The following PKP2 variants were observed in gnomAD, a reference collection of about 807,000 sequenced individuals.
PKP2 encodes the protein plakophilin-2.
In PKP2, 73 loss-of-function variants were observed where a neutral mutation model predicts 83.4. That is an observed-to-expected ratio of 0.88 (90% CI 0.72 to 1.06). PKP2 has a LOEUF of 1.06. Ranked by LOEUF, PKP2 falls within the 50% of genes least tolerant of loss-of-function variation. PKP2 has a pLI of 0.00. For synonymous variants in PKP2, 409 were observed against 430.4 expected, an observed-to-expected ratio of 0.95 and a Z score of 0.62; for missense variants, 966 against 1,065.4, an observed-to-expected ratio of 0.91 and a Z score of 1.30.
At chr12:32,808,667 C>G (rs531236540) in intron 9 of PKP2, among the ~76,000 whole-genome samples, 4 of 152,276 alleles carry the variant, frequency 2.6e-5, no homozygotes, top group African/African-American at 9.6e-5. Context: ...GCTTATCTAC[C>G]TTCGACCTTT....
chr12:32,803,460 T>C (rs977673458), intron 9 of PKP2, among the ~76,000 whole-genome samples: 6 of 152,236 alleles, frequency 3.9e-5, no homozygotes, highest in African/African-American at 1.4e-4. Flanking sequence ...ATAAATAAAA[T>C]GGATTTCCCT....
rs1027124959 is a variant in PKP2 at position 32,868,833 on chromosome 12, A to C, written c.1170+94T>G. On this transcript the variant is annotated intron_variant, in intron 4 of 12. Coordinates refer to ENST00000340811, the MANE Select transcript of PKP2 (RefSeq NM_001005242.3). ...CACCACGCACGGTCCCAATTTTTAA[A>C]AATTTAAATAAATTATTGGTTTCAG... 3.5e-6 allele frequency: 5 copies of C among 1,416,208 alleles called. No homozygotes were observed. In the Admixed American group the frequency reaches 8.4e-5, roughly 24 times the overall value. 87.7% of individuals were successfully genotyped at this position (1,416,208 alleles called of 1,614,324 possible). A position where few individuals can be genotyped will look rare whatever the true frequency, so the allele number is the denominator to read the frequency against.
chr12:32,840,657 A>C (rs778556656), intron 6 of PKP2, among the ~76,000 whole-genome samples: 1 of 152,208 alleles, frequency 6.6e-6, no homozygotes, highest in African/African-American at 2.4e-5. Context: ...GCTTTACACA[A>C]AATTGGTATT....
intron 1 of PKP2, chr12:32,894,088 C>T (rs12231213): frequency 0.086 from 13,044 of 151,886 alleles, 1,106 homozygotes; most frequent in East Asian, 0.49. Context: ...CCACCACGCC[C>T]GGCTAATTTT....
Position 32,843,224 on chromosome 12 carries a change from G to A in PKP2, c.1379-2019C>T, listed in dbSNP as rs149930872. ...TCTCGAACTCCTGACCTCGTGATCC[G>A]CCCGCCTTGGCCTCCCAAAGTGCTG... On this transcript the variant is annotated intron_variant, in intron 5 of 12. Coordinates refer to ENST00000340811, the MANE Select transcript of PKP2 (RefSeq NM_001005242.3). 312 of 711,088 alleles carry A rather than the reference G, an allele frequency of 4.4e-4. 1 individual carries two copies. The highest frequency in any genetic ancestry group is 9.8e-4 in the African/African-American group (54 of 55,344). The allele number at this position is 711,088 out of a possible 1,614,324, so 44.0% of individuals were successfully genotyped here. A position where few individuals can be genotyped will look rare whatever the true frequency, so the allele number is the denominator to read the frequency against.
intron 6 of PKP2, among the ~76,000 whole-genome samples, chr12:32,828,003 G>A (rs1208294747): frequency 1.3e-5 from 2 of 152,250 alleles, no homozygotes; most frequent in Non-Finnish European, 1.5e-5. Context: ...GAGAAGTAGA[G>A]TGAGGAAGGA....
intron 1 of PKP2, among the ~76,000 whole-genome samples, chr12:32,885,084 A>T (rs1263679463): frequency 6.6e-6 from 1 of 152,166 alleles, no homozygotes; most frequent in Non-Finnish European, 1.5e-5. Context: ...AGCAACTTTA[A>T]ACTCCACTCT....
At chr12:32,856,994 A>G (rs1370603140) in intron 4 of PKP2, among the ~76,000 whole-genome samples, 2 of 152,182 alleles carry the variant, frequency 1.3e-5, no homozygotes, top group African/African-American at 4.8e-5. Context: ...AAGGGCACCT[A>G]TGTAATTAGG....
chr12:32,856,037 T>A (rs1241233846), intron 4 of PKP2, among the ~76,000 whole-genome samples: 1 of 152,148 alleles, frequency 6.6e-6, no homozygotes, highest in Non-Finnish European at 1.5e-5. Context: ...CATTAAAAAT[T>A]AGAGAACAAA....
intron 6 of PKP2, among the ~76,000 whole-genome samples, chr12:32,830,511 G>C (rs542279528): frequency 6.6e-6 from 1 of 152,264 alleles, no homozygotes; most frequent in African/African-American, 2.4e-5. Context: ...ACACATCTTG[G>C]TCCTACGGGG....
rs1463702794 is a variant in PKP2 at position 32,878,206 on chromosome 12, G to A, written c.674C>T (p.Ser225Phe). ...GCTGTCAAAAACGGTGTCGCTAACA[G>A]AGCCATGCTGGTACTGTCTGTGGTA... ...DTYHRQYQHG[S>F]VSDTVFDSIP... The change falls in exon 3 of 13, where the codon TCT becomes TTT. Residue 225 changes from serine to phenylalanine, a missense_variant. By Grantham distance (155) the Ser-to-Phe change is radical (BLOSUM62 -2). Transcript: ENST00000340811. 6.2e-7 allele frequency: 1 copy of A among 1,614,222 alleles called. No individual in the cohort carries two copies. Among genetic ancestry groups the A allele is most frequent in the South Asian group, 1.1e-5 (1 of 91,084 alleles).
chr12:32,892,818 CGGGGGGGG>C lies in PKP2; in HGVS notation c.223+3683_223+3690del, dbSNP rs574559982. On this transcript the variant is annotated intron_variant, in intron 1 of 12. Transcript: ENST00000340811. ...TCCACTCAGATACCTGGGGTGGGGG[CGGGGGGGG>C]GGGGAGAACTGTGTAGCAAGTAGTA... Among the ~76,000 whole-genome samples, 3 of 20,108 alleles carry C rather than the reference CGGGGGGGG, an allele frequency of 1.5e-4. 1 individual carries two copies. 13.2% of individuals were successfully genotyped at this position (20,108 alleles called of 152,430 possible). A position where few individuals can be genotyped will look rare whatever the true frequency, so the allele number is the denominator to read the frequency against.
chr12:32,856,788 C>T (rs1381613546), intron 4 of PKP2, among the ~76,000 whole-genome samples: 2 of 151,722 alleles, frequency 1.3e-5, no homozygotes, highest in Admixed American at 6.6e-5. Context: ...AGAGTGTTCA[C>T]GTTTTGGTGT....
At chr12:32,864,024 G>T (rs558411764) in intron 4 of PKP2, among the ~76,000 whole-genome samples, 2 of 151,580 alleles carry the variant, frequency 1.3e-5, no homozygotes, top group South Asian at 2.1e-4. Context: ...TACCATAATG[G>T]CAAAATTAAA....
At chr12:32,882,860 C>CT (rs1340927188) in intron 1 of PKP2, among the ~76,000 whole-genome samples, 3 of 152,160 alleles carry the variant, frequency 2.0e-5, no homozygotes, top group Non-Finnish European at 4.4e-5. Flanking sequence ...TGGGTTCCTC[C>CT]TTTCCCCTGG....
intron 9 of PKP2, among the ~76,000 whole-genome samples, chr12:32,809,049 G>A (rs562676980): frequency 6.6e-6 from 1 of 152,338 alleles, no homozygotes; most frequent in South Asian, 2.1e-4. Flanking sequence ...CTGTAGAGCA[G>A]GTGTGCTCTG....
chr12:32,896,094 T>C (rs529062021), intron 1 of PKP2, among the ~76,000 whole-genome samples: 13 of 151,982 alleles, frequency 8.6e-5, no homozygotes, highest in Admixed American at 4.6e-4. Flanking sequence ...ATTTAACAAA[T>C]CTAATAAAAT....
intron 1 of PKP2, among the ~76,000 whole-genome samples, chr12:32,885,359 A>T (rs761505475): frequency 6.6e-6 from 1 of 152,210 alleles, no homozygotes; most frequent in Non-Finnish European, 1.5e-5. Flanking sequence ...GTCAGGGTTA[A>T]AATAGTCAAT....
chr12:32,892,813 G>C lies in PKP2; in HGVS notation c.223+3696C>G, dbSNP rs546482513. ...TTCTCTCCACTCAGATACCTGGGGT[G>C]GGGGCGGGGGGGGGGGGAGAACTGT... On this transcript the variant is annotated intron_variant, in intron 1 of 12. Transcript: ENST00000340811. Among the ~76,000 whole-genome samples the C allele has an allele frequency of 1.2e-4, 13 of 112,058 alleles. No individual in the cohort carries two copies. In the South Asian group the frequency reaches 5.6e-3, roughly 48 times the overall value. The allele number at this position is 112,058 out of a possible 152,430, so 73.5% of individuals were successfully genotyped here.
Sources: allele counts gnomAD v4.1 joint callset (sites outside exome capture counted in the v4.1 genomes callset), GRCh38; gene constraint gnomAD v4.1.1; transcripts MANE v1.5; gene names NCBI Gene and HGNC (gene_info 2026-07-23, HGNC 2026-07-21).